Variants in SMG6 observed in about 807,000 individuals in gnomAD.
The protein encoded by SMG6 is SMG6 nonsense mediated mRNA decay factor, also known as telomerase-binding protein EST1A.
A neutral mutation model predicts 142.2 loss-of-function variants in SMG6; 66 were observed. That is an observed-to-expected ratio of 0.46 (90% confidence interval 0.38 to 0.57). SMG6 has a LOEUF of 0.57. Ranked by LOEUF, SMG6 falls within the 20% of genes least tolerant of loss-of-function variation. SMG6 has a pLI of 0.00. For missense variants in SMG6, 1,793 were observed against 1,832.0 expected (o/e 0.98, Z 0.39); for synonymous variants, 779 against 702.4 (o/e 1.11, Z -1.72).
intron 8 of SMG6, among the ~76,000 whole-genome samples, chr17:2,251,831 G>A (rs1435334562): frequency 2.0e-5 from 3 of 152,344 alleles, no homozygotes; most frequent in East Asian, 1.9e-4. Flanking sequence ...GCCAGGCACA[G>A]TGGCTCATGC....
chr17:2,159,601 CAA>C (rs1232758475), intron 13 of SMG6, among the ~76,000 whole-genome samples: 1 of 152,082 alleles, frequency 6.6e-6, no homozygotes, highest in African/African-American at 2.4e-5. Context: ...GTAATCACTT[CAA>C]AAAAGTTTGG....
At chr17:2,282,044 G>A (rs1216224847) in intron 8 of SMG6, among the ~76,000 whole-genome samples, 2 of 152,118 alleles carry the variant, frequency 1.3e-5, no homozygotes, top group Non-Finnish European at 2.9e-5. Context: ...AGTCTCTTGC[G>A]TCCTCCACTA....
chr17:2,157,130 T>C (rs2071032579), intron 13 of SMG6, among the ~76,000 whole-genome samples: 1 of 152,158 alleles, frequency 6.6e-6, no homozygotes, highest in Admixed American at 6.5e-5. Flanking sequence ...TCAAAGCCAT[T>C]AGTCACCAAC....
chr17:2,071,256 G>A lies in SMG6; in HGVS notation c.3682-2325C>T, dbSNP rs1194665683. Among the ~76,000 whole-genome samples, 1 of 152,126 alleles carries A rather than the reference G, an allele frequency of 6.6e-6. No homozygotes were observed. The highest frequency in any genetic ancestry group is 1.5e-5 in the Non-Finnish European group (1 of 68,012). ...CTGGTCTGACTCTATCAAGGAAGTG[G>A]CTGCCATTTTTTTTTTTACCCTATG... On this transcript the variant is annotated intron_variant, in intron 15 of 18. Transcript: ENST00000263073. This position sits in a 1 kb window ranked among gnomAD's most constrained non-coding sequence, Gnocchi z 5.6.
chr17:2,290,945 C>G (rs542107726), intron 6 of SMG6, among the ~76,000 whole-genome samples: 5 of 152,238 alleles, frequency 3.3e-5, no homozygotes, highest in Non-Finnish European at 5.9e-5. Flanking sequence ...GGTAAAGATA[C>G]AGAGACAGAA....
intron 10 of SMG6, among the ~76,000 whole-genome samples, chr17:2,227,935 G>A (rs1440679492): frequency 2.0e-5 from 3 of 152,112 alleles, no homozygotes; most frequent in African/African-American, 7.2e-5. Context: ...ATCAACTACA[G>A]CTACACATAT....
intron 13 of SMG6, among the ~76,000 whole-genome samples, chr17:2,148,630 G>A (rs1328416853): frequency 3.9e-5 from 6 of 152,134 alleles, no homozygotes; most frequent in Admixed American, 3.3e-4. Context: ...AGGCCAAGGC[G>A]GGCGGATCAC....
chr17:2,247,808 T>C (rs771186050), intron 8 of SMG6, among the ~76,000 whole-genome samples: 8 of 150,440 alleles, frequency 5.3e-5, no homozygotes, highest in Non-Finnish European at 8.9e-5. Flanking sequence ...AGAAAAAAGA[T>C]ACAGGCCAGG....
intron 11 of SMG6, 83 bp downstream of exon 11, chr17:2,188,316 C>T (rs757700205): frequency 4.5e-5 from 51 of 1,131,568 alleles, no homozygotes; most frequent in Middle Eastern, 2.2e-4. Context: ...GAGAAGACAC[C>T]GAGAAAACAG....
intron 10 of SMG6, among the ~76,000 whole-genome samples, chr17:2,189,695 G>A (rs887716726): frequency 2.6e-5 from 4 of 152,116 alleles, no homozygotes; most frequent in African/African-American, 9.7e-5. Context: ...TACTCCAGGA[G>A]ACAATACCCA....
intron 13 of SMG6, chr17:2,087,079 A>G: frequency 3.1e-6 from 4 of 1,290,514 alleles, no homozygotes; most frequent in Non-Finnish European, 4.0e-6. Flanking sequence ...ACTAACCTGG[A>G]GACTACTGAT....
chr17:2,064,981 G>C, intron 18 of SMG6, 92 bp downstream of exon 18: 2 of 997,198 alleles, frequency 2.0e-6, no homozygotes, highest in Non-Finnish European at 3.1e-6. Flanking sequence ...TCCCAGGCCA[G>C]AGTCAGTGGA....
At chr17:2,298,386 T>G (rs915552753) in intron 2 of SMG6, among the ~76,000 whole-genome samples, 2 of 152,186 alleles carry the variant, frequency 1.3e-5, no homozygotes, top group Non-Finnish European at 2.9e-5. Flanking sequence ...TAAAGATAAT[T>G]TTTTCTTAAA....
At chr17:2,070,450 G>A (rs1309090833) in intron 15 of SMG6, among the ~76,000 whole-genome samples, 2 of 152,232 alleles carry the variant, frequency 1.3e-5, no homozygotes, top group Non-Finnish European at 2.9e-5. Flanking sequence ...AACTTGCAGA[G>A]ACCCAGATGC....
chr17:2,256,101 T>C, intron 8 of SMG6: 1 of 163,860 alleles, frequency 6.1e-6, no homozygotes, highest in East Asian at 1.8e-4. Context: ...TTCACTTGTT[T>C]GTCTGCTGAC....
intron 13 of SMG6, among the ~76,000 whole-genome samples, chr17:2,097,899 T>C (rs2068899223): frequency 6.6e-6 from 1 of 152,158 alleles, no homozygotes. Flanking sequence ...CCCATTTCTA[T>C]CGGGGATACT....
At chr17:2,207,489 G>T (rs548698554) in intron 10 of SMG6, among the ~76,000 whole-genome samples, 1 of 152,052 alleles carries the variant, frequency 6.6e-6, no homozygotes, top group South Asian at 2.1e-4. Context: ...GATCATGAAC[G>T]ATCCATCCAG....
Position 2,298,024 on chromosome 17 carries a change from T to C in SMG6, c.1879A>G (p.Ile627Val). Residue 627 changes from isoleucine to valine, a missense_variant, in exon 3 of 19, where the codon ATT becomes GTT. Coordinates refer to ENST00000263073, the MANE Select transcript of SMG6 (RefSeq NM_017575.5). ...AELLQLYERCILLDIEFSDNQ... is the reference protein window; with the variant it reads ...AELLQLYERCVLLDIEFSDNQ... ...TCAGAGAACTCAATATCTAATAGAA[T>C]ACAGCGCTCATATAGCTGCAGCAGT... 10 of 1,611,914 alleles carry C rather than the reference T, an allele frequency of 6.2e-6. No individual in the cohort carries two copies. In the East Asian group the frequency reaches 2.2e-4, roughly 36 times the overall value.
chr17:2,112,557 AAATAAATAAAT>A (rs2069369214), intron 13 of SMG6, among the ~76,000 whole-genome samples: 3 of 149,442 alleles, frequency 2.0e-5, no homozygotes, highest in African/African-American at 7.3e-5. Context: ...ATAAATAAAT[AAATAAATAAAT>A]AAAAGGCAAT....
Sources: gnomAD v4.1 joint callset for allele counts (sites outside exome capture counted in the v4.1 genomes callset) on GRCh38, gnomAD v4.1.1 for gene constraint, Gnocchi (gnomAD v3.1) non-coding constraint, MANE v1.5 for transcripts, NCBI Gene and HGNC (gene_info 2026-07-23, HGNC 2026-07-21) for gene names.